Variants in GTF2B observed in about 807,000 individuals in gnomAD.
GTF2B encodes the protein general transcription factor IIB, also known as transcription initiation factor IIB.
Under a neutral mutation model 34.6 loss-of-function variants are expected in GTF2B, and 20 were observed. The observed-to-expected ratio is 0.58, with a 90% CI of 0.41 to 0.84. GTF2B has a LOEUF of 0.84. Among genes scored for constraint, GTF2B ranks in the 40% least tolerant of loss-of-function variants. The probability of loss-of-function intolerance (pLI) is 0.00; values close to 1 mark genes in which losing one functional copy is unlikely to be tolerated. For missense variants in GTF2B, 237 were observed against 393.3 expected (o/e 0.60, Z 3.36); for synonymous variants, 142 against 132.4 (o/e 1.07, Z -0.50).
chr1:88,872,925 T>C (rs949955194), intron 2 of GTF2B, among the ~76,000 whole-genome samples: 9 of 152,172 alleles, frequency 5.9e-5, no homozygotes, highest in Non-Finnish European at 1.3e-4. Context: ...TTTCTCTGAG[T>C]AATTAAACTA....
intron 2 of GTF2B, among the ~76,000 whole-genome samples, chr1:88,880,720 A>C (rs1214292224): frequency 1.3e-5 from 2 of 152,088 alleles, no homozygotes; most frequent in African/African-American, 2.4e-5. Flanking sequence ...AAATGTAGTA[A>C]GTGGGGCCTG....
At chr1:88,860,845 G>C (rs1027675173) in intron 3 of GTF2B, among the ~76,000 whole-genome samples, 5 of 152,090 alleles carry the variant, frequency 3.3e-5, no homozygotes, top group African/African-American at 1.2e-4. Context: ...ATGATTAATG[G>C]AGAAACATTA....
At chr1:88,868,305 G>A (rs1673603824) in intron 2 of GTF2B, among the ~76,000 whole-genome samples, 1 of 152,192 alleles carries the variant, frequency 6.6e-6, no homozygotes, top group African/African-American at 2.4e-5. Context: ...TCTAGAAACA[G>A]AGACACATAT....
At chr1:88,874,176 C>A (rs1402766934) in intron 2 of GTF2B, among the ~76,000 whole-genome samples, 1 of 152,098 alleles carries the variant, frequency 6.6e-6, no homozygotes, top group East Asian at 1.9e-4. Context: ...AAGGGCTTAT[C>A]GTGCAGGGGA....
At chr1:88,857,021 G>A (rs1395437566) in intron 6 of GTF2B, among the ~76,000 whole-genome samples, 185 bp downstream of exon 6, 3 of 152,030 alleles carry the variant, frequency 2.0e-5, no homozygotes, top group East Asian at 3.8e-4. Context: ...GGCTGGTCTC[G>A]AACTCCTGAC....
At chr1:88,856,272 CAAAAAAAAAAAAA>C (rs377030804) in intron 6 of GTF2B, among the ~76,000 whole-genome samples, 1 of 50,042 alleles carries the variant, frequency 2.0e-5, no homozygotes, top group Non-Finnish European at 3.4e-5. Flanking sequence ...GTTTCAAAAA[CAAAAAAAAAAAAA>C]AAAAACAAAA....
intron 2 of GTF2B, among the ~76,000 whole-genome samples, chr1:88,881,008 C>CAAAAA (rs57528139): frequency 5.4e-5 from 5 of 92,768 alleles, no homozygotes; most frequent in African/African-American, 1.2e-4. Context: ...GATGCTGTCT[C>CAAAAA]AAAAAAAAAA....
intron 2 of GTF2B, among the ~76,000 whole-genome samples, chr1:88,881,849 A>G (rs1391421835): frequency 6.6e-6 from 1 of 152,194 alleles, no homozygotes; most frequent in African/African-American, 2.4e-5. Context: ...TTGGTTTGAT[A>G]TAGCAGAAAA....
At chr1:88,877,366 AAAT>A (rs762693881) in intron 2 of GTF2B, among the ~76,000 whole-genome samples, 11 of 152,236 alleles carry the variant, frequency 7.2e-5, no homozygotes, top group Non-Finnish European at 1.5e-4. Context: ...CTTTAACTAG[AAAT>A]ACTACTACTA....
intron 3 of GTF2B, among the ~76,000 whole-genome samples, chr1:88,863,303 CTCCCATTTA>C (rs1005806095): frequency 6.6e-6 from 1 of 152,032 alleles, no homozygotes; most frequent in Non-Finnish European, 1.5e-5. Flanking sequence ...TTACACTAAC[CTCCCATTTA>C]TCTTAAGTGG....
chr1:88,879,637 G>A (rs1283199853), intron 2 of GTF2B, among the ~76,000 whole-genome samples: 1 of 151,568 alleles, frequency 6.6e-6, no homozygotes, highest in Non-Finnish European at 1.5e-5. Context: ...TAACACAGAT[G>A]AGAGGGTGAC....
intron 2 of GTF2B, among the ~76,000 whole-genome samples, chr1:88,867,771 T>A (rs888817097): frequency 6.6e-6 from 1 of 152,202 alleles, no homozygotes; most frequent in African/African-American, 2.4e-5. Flanking sequence ...CTTTATACTG[T>A]TTTTATAAAG....
chr1:88,857,322 T>C lies in GTF2B; in HGVS notation c.701A>G (p.His234Arg), dbSNP rs1454300512. ...LPKQVQMAAT[H>R]IARKAVELDL... ...CAGTTCCACAGCTTTACGGGCTATA[T>C]GTGTAGCTGCCATCTGTACTTGTTT... The change falls in exon 6 of 7, where the codon CAT becomes CGT. Residue 234 changes from histidine to arginine, a missense_variant. By Grantham distance (29) the His-to-Arg change is conservative. This residue lies in a region of GTF2B where 78 missense variants were observed against 116.6 expected (regional missense o/e 0.67). Coordinates refer to ENST00000370500, the MANE Select transcript of GTF2B (RefSeq NM_001514.6). 5.6e-6 allele frequency: 9 copies of C among 1,613,394 alleles called. No individual in the cohort carries two copies. The highest frequency in any genetic ancestry group is 7.6e-6 in the Non-Finnish European group (9 of 1,179,440).
At chr1:88,871,047 G>A (rs1214211795) in intron 2 of GTF2B, among the ~76,000 whole-genome samples, 12 of 152,008 alleles carry the variant, frequency 7.9e-5, no homozygotes, top group South Asian at 2.1e-4. Flanking sequence ...GACTACAGGC[G>A]TGTGCCACCA....
intron 2 of GTF2B, among the ~76,000 whole-genome samples, chr1:88,877,364 A>G (rs1294678834): frequency 6.6e-6 from 1 of 152,226 alleles, no homozygotes; most frequent in East Asian, 1.9e-4. Context: ...GGCTTTAACT[A>G]GAAATACTAC....
intron 2 of GTF2B, among the ~76,000 whole-genome samples, chr1:88,886,727 A>T (rs1674076699): frequency 6.6e-6 from 1 of 152,152 alleles, no homozygotes; most frequent in Non-Finnish European, 1.5e-5. Context: ...CTTCTGGATT[A>T]GCTCCCACCC....
In GTF2B at chr1:88,852,824, T is replaced by C. The variant is rs1320681193; in HGVS notation, c.*389A>G. 1 of 159,852 alleles carries C rather than the reference T, an allele frequency of 6.3e-6. No individual in the cohort carries two copies. The highest frequency in any genetic ancestry group is 1.3e-5 in the Non-Finnish European group (1 of 75,162). 9.9% of individuals were successfully genotyped at this position (159,852 alleles called of 1,614,324 possible). On this transcript the variant is annotated 3_prime_UTR_variant, in exon 7 of 7. Coordinates refer to ENST00000370500, the MANE Select transcript of GTF2B (RefSeq NM_001514.6). ...CCATAAATTTATTAAAATAAAAAACTATGTATATATAAGTAATGGAAATAA... is the reference window on the plus strand; with the variant it reads ...CCATAAATTTATTAAAATAAAAAACCATGTATATATAAGTAATGGAAATAA...
At chr1:88,882,294 AGG>A (rs2100978581) in intron 2 of GTF2B, among the ~76,000 whole-genome samples, 1 of 121,374 alleles carries the variant, frequency 8.2e-6, no homozygotes, top group East Asian at 2.9e-4. Flanking sequence ...TGGGGGACAG[AGG>A]GAGACTCTCA....
intron 3 of GTF2B, among the ~76,000 whole-genome samples, chr1:88,861,652 G>A (rs1262036023): frequency 2.6e-5 from 4 of 152,076 alleles, no homozygotes; most frequent in African/African-American, 4.8e-5. Context: ...TGACAAGCGC[G>A]AAACTCTGTC....
Sources: allele counts gnomAD v4.1 joint callset (sites outside exome capture counted in the v4.1 genomes callset), GRCh38; gene constraint gnomAD v4.1.1; regional missense constraint gnomAD v4.1.1; transcripts MANE v1.5; gene names NCBI Gene and HGNC (gene_info 2026-07-23, HGNC 2026-07-21).